The following SPTBN5 variants were observed in gnomAD, a reference collection of about 807,000 sequenced individuals.
The protein encoded by SPTBN5 is spectrin beta chain, non-erythrocytic 5.
In SPTBN5, 513 loss-of-function variants were observed where a neutral mutation model predicts 477.6. The observed-to-expected ratio is 1.07, with a 90% CI of 1.00 to 1.16. The LOEUF is 1.16. SPTBN5 is among the 50% of genes most tolerant of loss of function. The pLI, the probability that SPTBN5 is intolerant of heterozygous loss-of-function variation, is 0.00. For missense variants in SPTBN5, 5,062 were observed against 4,731.8 expected (o/e 1.07, Z -2.05); for synonymous variants, 2,169 against 2,011.7 (o/e 1.08, Z -2.09).
chr15:41,885,860 G>A lies in SPTBN5; in HGVS notation c.1395C>T (p.Ala465=), dbSNP rs951186121. Residue 465 remains alanine (A), a synonymous_variant, in exon 7 of 68, where the codon GCC becomes GCT. Transcript: ENST00000320955. Reference sequence around the variant, plus strand: ...CCTCCAGCATGCCCAGCCTCTGGACGGCTGCCTCCACTGTGGCCAGGCTGG... The same window carrying A: ...CCTCCAGCATGCCCAGCCTCTGGACAGCTGCCTCCACTGTGGCCAGGCTGG... ...PPASLATVEA[A]VQRLGMLEAG... is the part of the protein sequence containing the mutation. 1.8e-5 allele frequency: 28 copies of A among 1,573,124 alleles called. No homozygotes were observed. The highest frequency in any genetic ancestry group is 1.2e-4 in the East Asian group (5 of 42,504).
chr15:41,861,843 G>A lies in SPTBN5; in HGVS notation c.7629C>T (p.Phe2543=). ...GQQLLTAGHP[F]SSDIRQVLAG... is the part of the protein sequence containing the mutation. ...CCAGCACCTGGCGAATGTCGGAGCT[G>A]AAGGGGTGCCCCGCTGTGAGCAGTT... is the stretch of plus-strand genomic sequence containing the variant. The change falls in exon 45 of 68, where the codon TTC becomes TTT. Residue 2543 remains phenylalanine, a synonymous_variant. Transcript: ENST00000320955. 1.2e-6 allele frequency: 2 copies of A among 1,607,118 alleles called. No individual in the cohort carries two copies. The highest frequency in any genetic ancestry group is 1.7e-6 in the Non-Finnish European group (2 of 1,179,188).
chr15:41,888,264 A>G lies in SPTBN5; in HGVS notation c.502-179T>C, dbSNP rs540767121. On this transcript the variant is annotated intron_variant, in intron 4 of 67. Transcript: ENST00000320955. ...TTGCCCAATTTCATCCACGGTGGGC[A>G]AGGATTGGGGGTGAGAGTGACTGGC... Among the ~76,000 whole-genome samples the G allele has an allele frequency of 2.6e-5, 4 of 152,336 alleles. No homozygotes were observed. The East Asian group carries it at 7.7e-4, about 29-fold the overall frequency.
At position 41,851,827 on chromosome 15, in the gene SPTBN5, C is replaced by T; in HGVS notation, c.10608G>A (p.Met3536Ile). The T allele has an allele frequency of 1.2e-6, 2 of 1,610,942 alleles. No individual in the cohort carries two copies. The highest frequency in any genetic ancestry group is 1.7e-6 in the Non-Finnish European group (2 of 1,179,584). The change falls in exon 63 of 68, where the codon ATG becomes ATA. Residue 3536 changes from methionine to isoleucine, a missense_variant. Coordinates refer to ENST00000320955, the MANE Select transcript of SPTBN5 (RefSeq NM_016642.4). The stretch of plus-strand genomic sequence containing the variant: ...GCTGCTTGAACTCCAAAGACCCCTC[C>T]ATGGTGGGGGTACCCTTTGCATCCT... ...DPQDAKGTPT[M>I]EGSLEFKQHL...
chr15:41,886,367 C>A lies in SPTBN5; in HGVS notation c.889-1G>T. ...CTGTCTCCTGGAGCTGAAGCAGGAT[C>A]TGGTGGAGGGCATAGGAAGGGGTCA... On this transcript the variant is annotated splice_acceptor_variant, in intron 6 of 67. Coordinates refer to ENST00000320955, the MANE Select transcript of SPTBN5 (RefSeq NM_016642.4). LOFTEE classifies it high-confidence loss of function. 2 of 1,594,202 alleles carry A rather than the reference C, an allele frequency of 1.3e-6. No homozygotes were observed. The highest frequency in any genetic ancestry group is 8.5e-7 in the Non-Finnish European group (1 of 1,170,108).
intron 39 of SPTBN5, among the ~76,000 whole-genome samples, chr15:41,864,346 TC>T (rs1469797982): frequency 1.3e-5 from 2 of 151,960 alleles, no homozygotes; most frequent in Admixed American, 6.6e-5. Flanking sequence ...AGACGGAGTC[TC>T]CCTCTGTTGC....
intron 3 of SPTBN5, among the ~76,000 whole-genome samples, chr15:41,891,746 G>C (rs1260843945): frequency 1.3e-5 from 2 of 152,154 alleles, no homozygotes; most frequent in African/African-American, 2.4e-5. Context: ...AGAATGCCCA[G>C]GGCATGGGAG....
chr15:41,862,346 T>C, intron 43 of SPTBN5, 54 bp from the exon 44 acceptor site: 7 of 1,545,210 alleles, frequency 4.5e-6, no homozygotes, highest in Non-Finnish European at 6.1e-6. Flanking sequence ...CTCTCCCCCA[T>C]GCCCACTGGT....
chr15:41,850,287 G>A (rs2065709124), intron 66 of SPTBN5: 2 of 349,458 alleles, frequency 5.7e-6, no homozygotes, highest in East Asian at 5.8e-5. Context: ...GAGTCCAGGG[G>A]AACCAGCGAC....
In SPTBN5 at chr15:41,882,151, G is replaced by A. The variant is rs757939276; in HGVS notation, c.2248-6C>T. 15 of 1,568,102 alleles carry A rather than the reference G, an allele frequency of 9.6e-6. No homozygotes were observed. Among genetic ancestry groups the A allele is most frequent in the Middle Eastern group, 4.6e-4 (2 of 4,374 alleles). ...TCCGCCGCGTCCGCGAAGTACTGTG[G>A]GAGGGGGTCGGGGGTGGTGTGGGTG... On this transcript the variant is annotated splice_polypyrimidine_tract_variant and splice_region_variant and intron_variant, in intron 11 of 67. Coordinates refer to ENST00000320955, the MANE Select transcript of SPTBN5 (RefSeq NM_016642.4).
At position 41,863,703 on chromosome 15, in the gene SPTBN5, C is replaced by A. The variant is rs774500937; in HGVS notation, c.7149+1G>T. ...CACCGGGACCTCTTTCCACCACGTACCTTCTCCTGAATCCTCTTGGTGACA... is the reference window on the plus strand; with the variant it reads ...CACCGGGACCTCTTTCCACCACGTAACTTCTCCTGAATCCTCTTGGTGACA... On this transcript the variant is annotated splice_donor_variant, in intron 41 of 67. Transcript: ENST00000320955. LOFTEE classifies it high-confidence loss of function. 1.5e-5 allele frequency: 24 copies of A among 1,612,204 alleles called. No homozygotes were observed. The East Asian group carries it at 4.9e-4, about 33-fold the overall frequency.
intron 49 of SPTBN5, 114 bp downstream of exon 49, chr15:41,858,488 A>G (rs2065993362): frequency 7.7e-7 from 1 of 1,306,528 alleles, no homozygotes; most frequent in African/African-American, 1.5e-5. Context: ...CTGCATGCAG[A>G]AAGTACTGGA....
At position 41,892,876 on chromosome 15, in the gene SPTBN5, C is replaced by G. The variant is rs756002279; in HGVS notation, c.384+18G>C. 5.7e-6 allele frequency: 9 copies of G among 1,582,936 alleles called. No homozygotes were observed. Among genetic ancestry groups the G allele is most frequent in the Non-Finnish European group, 7.7e-6 (9 of 1,169,402 alleles). Reference sequence around the variant, plus strand: ...GCCTGCCCCAGCACCATCCCAGACCCCTTTCCCTGGGGCCCACCTTGGCCC... The same window carrying G: ...GCCTGCCCCAGCACCATCCCAGACCGCTTTCCCTGGGGCCCACCTTGGCCC... On this transcript the variant is annotated intron_variant, in intron 3 of 67. Transcript: ENST00000320955.
rs200217235 is a variant in SPTBN5 at position 41,875,529 on chromosome 15, G to A, written c.4216C>T (p.Arg1406Cys). Reference sequence around the variant, plus strand: ...TCGTCCCCACGCTCAGTCATCTTGCGGTTCAAAGCTTCCCACTTGCTTCTC... The same window carrying A: ...TCGTCCCCACGCTCAGTCATCTTGCAGTTCAAAGCTTCCCACTTGCTTCTC... ...GLRSKWEALN[R>C]KMTERGDELQ... The change falls in exon 22 of 68, where the codon CGC (arginine) becomes TGC (cysteine). Residue 1406 changes from arginine (R) to cysteine (C), a missense_variant. Coordinates refer to ENST00000320955, the MANE Select transcript of SPTBN5 (RefSeq NM_016642.4). 243 of 1,612,174 alleles carry A rather than the reference G, an allele frequency of 1.5e-4. No individual in the cohort carries two copies. Among genetic ancestry groups the A allele is most frequent in the Admixed American group, 2.5e-4 (15 of 59,816 alleles).
In SPTBN5 at chr15:41,893,543, A is replaced by T; in HGVS notation, c.-46T>A. The T allele has an allele frequency of 6.5e-7, 1 of 1,535,544 alleles. No individual in the cohort carries two copies. Among genetic ancestry groups the T allele is most frequent in the South Asian group, 1.2e-5 (1 of 84,446 alleles). On this transcript the variant is annotated 5_prime_UTR_variant, in exon 2 of 68. It removes the in-frame stop codon of an upstream open reading frame in the 5' UTR. Transcript: ENST00000320955. ...ATGAGGAGCTGCTGGATGGCTCCCT[A>T]AACCTGGAGGGCATGCAGATTAGGG...
At chr15:41,890,492 C>T (rs1036470891) in intron 3 of SPTBN5, among the ~76,000 whole-genome samples, 2 of 152,238 alleles carry the variant, frequency 1.3e-5, no homozygotes, top group Admixed American at 6.5e-5. Context: ...TACAGGTAGA[C>T]CTGGGCCAAG....
chr15:41,852,327 G>A lies in SPTBN5; in HGVS notation c.10450-11C>T. 1 of 1,548,012 alleles carries A rather than the reference G, an allele frequency of 6.5e-7. No homozygotes were observed. The highest frequency in any genetic ancestry group is 2.4e-5 in the East Asian group (1 of 42,138). On this transcript the variant is annotated splice_polypyrimidine_tract_variant and intron_variant, in intron 61 of 67. Transcript: ENST00000320955. Reference sequence around the variant, plus strand: ...GAGCTCCTGTTCCATCTTGGGGAGTGGGCAAGGTGGGCAAGGTGAGCCAGG... The same window carrying A: ...GAGCTCCTGTTCCATCTTGGGGAGTAGGCAAGGTGGGCAAGGTGAGCCAGG...
chr15:41,851,029 T>A (rs2054151), intron 65 of SPTBN5, 30 bp downstream of exon 65: 1 of 1,599,668 alleles, frequency 6.3e-7, no homozygotes, highest in South Asian at 1.1e-5. Context: ...CTGCTGGGGG[T>A]GATGCCGGAG....
rs550206615 is a variant in SPTBN5 at position 41,851,406 on chromosome 15, C to T, written c.10657-37G>A. Reference sequence around the variant, plus strand: ...AGGCGGGAAGGTCGCATGAGCCACACGCAGGAAGCCAGAGCTAGGGCCTGT... The same window carrying T: ...AGGCGGGAAGGTCGCATGAGCCACATGCAGGAAGCCAGAGCTAGGGCCTGT... On this transcript the variant is annotated intron_variant, in intron 63 of 67. Transcript: ENST00000320955. 2.7e-5 allele frequency: 39 copies of T among 1,468,544 alleles called. No individual in the cohort carries two copies. The Middle Eastern group carries it at 9.1e-4, about 34-fold the overall frequency. 91.0% of individuals were successfully genotyped at this position (1,468,544 alleles called of 1,614,324 possible). A position where few individuals can be genotyped will look rare whatever the true frequency, so the allele number is the denominator to read the frequency against.
Position 41,876,836 on chromosome 15 carries a change from A to C in SPTBN5, c.3824T>G (p.Val1275Gly), listed in dbSNP as rs770304775. Residue 1275 changes from valine to glycine, a missense_variant, in exon 19 of 68, where the codon GTT (valine) becomes GGT (glycine). Val to Gly is a moderately radical substitution (Grantham distance 109). Transcript: ENST00000320955. ...EALRAHGEKL[V>G]QSQHPAAHTV... ...GTGTGCAGCTGGGTGCTGGCTCTGA[A>C]CCAGCTTCTCGCCGTGTGCCCGCAG... 7.9e-5 allele frequency: 128 copies of C among 1,610,340 alleles called. No homozygotes were observed. The highest frequency in any genetic ancestry group is 1.1e-4 in the Non-Finnish European group (127 of 1,179,800).
Sources: allele counts gnomAD v4.1 joint callset (sites outside exome capture counted in the v4.1 genomes callset), GRCh38; gene constraint gnomAD v4.1.1; transcripts MANE v1.5; gene names NCBI Gene and HGNC (gene_info 2026-07-23, HGNC 2026-07-21).